TNK2: variants seen among roughly 807,000 people sequenced by gnomAD.
The protein encoded by TNK2 is activated CDC42 kinase 1.
In TNK2, 83 loss-of-function variants were observed where a neutral mutation model predicts 101.8. That is an observed-to-expected ratio of 0.82 (90% CI 0.68 to 0.98). The LOEUF (loss-of-function observed/expected upper bound fraction) is 0.98, where lower values mean the gene tolerates loss of function less well. TNK2 is among the 50% of genes least tolerant of loss of function. TNK2 has a pLI of 0.00. For missense variants in TNK2, 1,665 were observed against 1,483.2 expected, an observed-to-expected ratio of 1.12 and a Z score of -2.01; for synonymous variants, 804 against 633.0, an observed-to-expected ratio of 1.27 and a Z score of -4.06.
At chr3:195,869,976 G>C (rs1743855414) in intron 11 of TNK2, 138 bp downstream of exon 11, 1 of 686,244 alleles carries the variant, frequency 1.5e-6, no homozygotes, top group Non-Finnish European at 2.4e-6. Context: ...CGGAGCCAGG[G>C]ACACAGCTGT....
chr3:195,879,353 C>T, intron 6 of TNK2, 178 bp from the exon 7 acceptor site: 1 of 866,410 alleles, frequency 1.2e-6, no homozygotes, highest in Non-Finnish European at 1.7e-6. Flanking sequence ...GATGCAGGGA[C>T]TTGGGGAAAT....
Position 195,867,923 on chromosome 3 carries a change from C to G in TNK2, c.2375G>C (p.Arg792Pro). ...SQWPGPASPP[R>P]VPPREPLSPQ... is the part of the protein sequence containing the mutation. ...GGACAGGGGCTCCCGCGGAGGCACC[C>G]GGGGAGGGGAAGCAGGTCCAGGCCA... The change falls in exon 13 of 16, where the codon CGG becomes CCG. Residue 792 changes from arginine (R) to proline (P), a missense_variant. Physicochemically the swap from Arg to Pro is moderately radical, Grantham distance 103. Transcript: ENST00000672887. 4 of 1,532,014 alleles carry G rather than the reference C, an allele frequency of 2.6e-6. No individual in the cohort carries two copies. In the South Asian group the frequency reaches 3.7e-5, roughly 14 times the overall value. 94.9% of individuals were successfully genotyped at this position (1,532,014 alleles called of 1,614,324 possible). A position where few individuals can be genotyped will look rare whatever the true frequency, so the allele number is the denominator to read the frequency against.
At chr3:195,906,597 G>A (rs1761742778) in intron 1 of TNK2, among the ~76,000 whole-genome samples, 2 of 152,084 alleles carry the variant, frequency 1.3e-5, no homozygotes, top group Non-Finnish European at 2.9e-5. Flanking sequence ...GCAGAGGAGC[G>A]GGGGATGGAG....
In TNK2 at chr3:195,885,033, C is replaced by T. The variant is rs1290585194; in HGVS notation, c.235G>A (p.Val79Met). 3.8e-6 allele frequency: 6 copies of T among 1,591,816 alleles called. No individual in the cohort carries two copies. In the Admixed American group the frequency reaches 8.7e-5, roughly 23 times the overall value. Residue 79 changes from valine to methionine, a missense_variant and splice_region_variant, in exon 4 of 16, where the codon GTG (valine) becomes ATG (methionine). Physicochemically the swap from Val to Met is conservative, Grantham distance 21. Transcript: ENST00000672887. The surrounding 1 kb of genome is among the most constrained non-coding windows in gnomAD (Gnocchi z 4.7). Reference sequence around the variant, plus strand: ...GCCTCCAGTCGCTTTCCACTGAACACCTGTTTGAAGGCAGCCGGGGGCCAG... The same window carrying T: ...GCCTCCAGTCGCTTTCCACTGAACATCTGTTTGAAGGCAGCCGGGGGCCAG... ...LCKRKSWMSK[V>M]FSGKRLEAEF...
rs778321376 is a variant in TNK2, at chr3:195,868,112, C to T, written c.2186G>A (p.Cys729Tyr). 1.2e-6 allele frequency: 2 copies of T among 1,611,292 alleles called. No homozygotes were observed. The highest frequency in any genetic ancestry group is 2.2e-5 in the East Asian group (1 of 44,838). Reference sequence around the variant, plus strand: ...GGCCGGAGCCTGCAGTTGCCTCATGCACTCCTGCTGTAGCGCCTGGAAGAT... The same window carrying T: ...GGCCGGAGCCTGCAGTTGCCTCATGTACTCCTGCTGTAGCGCCTGGAAGAT... Reference protein sequence around the residue: ...AEIFQALQQECMRQLQAPAGS... With the variant: ...AEIFQALQQEYMRQLQAPAGS... Residue 729 changes from cysteine (C) to tyrosine (Y), a missense_variant, in exon 13 of 16, where the codon TGC becomes TAC. Cys to Tyr is a radical substitution (Grantham distance 194). Coordinates refer to ENST00000672887, the MANE Select transcript of TNK2 (RefSeq NM_001382273.1).
chr3:195,880,278 C>T (rs929864967), intron 6 of TNK2, among the ~76,000 whole-genome samples: 1 of 152,120 alleles, frequency 6.6e-6, no homozygotes, highest in Non-Finnish European at 1.5e-5. Context: ...GCCTGTCTAC[C>T]ACTAGCTCTC....
Position 195,879,093 on chromosome 3 carries a change from A to G in TNK2, c.970T>C (p.Phe324Leu). 1 of 1,613,790 alleles carries G rather than the reference A, an allele frequency of 6.2e-7. No homozygotes were observed. Among genetic ancestry groups the G allele is most frequent in the Non-Finnish European group, 8.5e-7 (1 of 1,179,986 alleles). Residue 324 changes from phenylalanine (F) to leucine (L), a missense_variant, in exon 7 of 16, where the codon TTC becomes CTC. Transcript: ENST00000672887. ...WMFGVTLWEM[F>L]TYGQEPWIGL... Reference sequence around the variant, plus strand: ...ATCCAGGGCTCCTGGCCGTAGGTGAACATTTCCCACAGTGTCACCCCGAAC... The same window carrying G: ...ATCCAGGGCTCCTGGCCGTAGGTGAGCATTTCCCACAGTGTCACCCCGAAC...
intron 9 of TNK2, among the ~76,000 whole-genome samples, chr3:195,877,503 C>T (rs933941849): frequency 2.0e-5 from 3 of 152,198 alleles, no homozygotes; most frequent in East Asian, 3.9e-4. Context: ...TCAGGAGCTG[C>T]GAGCACAGGG....
Position 195,882,523 on chromosome 3 carries a change from G to C in TNK2, c.610-195C>G, listed in dbSNP as rs1325840313. ...CTCCCTCGAGGCAATTTGGGAAACTGATGCCTAGAGAGAAGGAGCCCAAAG... is the reference window on the plus strand; with the variant it reads ...CTCCCTCGAGGCAATTTGGGAAACTCATGCCTAGAGAGAAGGAGCCCAAAG... On this transcript the variant is annotated intron_variant, in intron 5 of 15. Coordinates refer to ENST00000672887, the MANE Select transcript of TNK2 (RefSeq NM_001382273.1). This position sits in a 1 kb window ranked among gnomAD's most constrained non-coding sequence, Gnocchi z 4.2. The C allele has an allele frequency of 2.0e-6, 3 of 1,533,702 alleles. No individual in the cohort carries two copies. The highest frequency in any genetic ancestry group is 1.7e-4 in the Middle Eastern group (1 of 6,006).
intron 10 of TNK2, 108 bp from the exon 11 acceptor site, chr3:195,870,313 C>T: frequency 6.5e-7 from 1 of 1,546,080 alleles, no homozygotes; most frequent in Non-Finnish European, 8.7e-7. Context: ...AGTCTTGGGT[C>T]TGAAGCACAG....
intron 15 of TNK2, among the ~76,000 whole-genome samples, chr3:195,864,415 G>A (rs934513545): frequency 2.0e-5 from 3 of 152,030 alleles, no homozygotes; most frequent in Non-Finnish European, 4.4e-5. Flanking sequence ...ACGACAGGTG[G>A]GATAGAGCCC....
At position 195,878,130 on chromosome 3, in the gene TNK2, GC is replaced by G; in HGVS notation, c.1256+122del. ...CCTCCCCTCACACTGCAGGGTTCAG[GC>G]CCAACCGCCAGCCTGTATGTGGCCA... On this transcript the variant is annotated intron_variant, in intron 9 of 15. Coordinates refer to ENST00000672887, the MANE Select transcript of TNK2 (RefSeq NM_001382273.1). This position sits in a 1 kb window ranked among gnomAD's most constrained non-coding sequence, Gnocchi z 4.7. 9.7e-7 allele frequency: 1 copy of G among 1,025,816 alleles called. No homozygotes were observed. The highest frequency in any genetic ancestry group is 1.6e-5 in the African/African-American group (1 of 63,918). The allele number at this position is 1,025,816 out of a possible 1,614,324, so 63.5% of individuals were successfully genotyped here.
chr3:195,876,505 G>A, intron 9 of TNK2: 1 of 456,872 alleles, frequency 2.2e-6, no homozygotes, highest in Admixed American at 2.3e-5. Flanking sequence ...GAGATATTCA[G>A]GGACTGAAGA....
intron 1 of TNK2, among the ~76,000 whole-genome samples, chr3:195,905,011 A>G (rs1409420978): frequency 6.6e-6 from 1 of 152,214 alleles, no homozygotes; most frequent in African/African-American, 2.4e-5. Context: ...ATGGAAGTGC[A>G]AAGAACCCAG....
chr3:195,870,517 G>A, intron 10 of TNK2: 7 of 740,462 alleles, frequency 9.5e-6, no homozygotes, highest in Non-Finnish European at 1.4e-5. Flanking sequence ...GCAGCGGCCA[G>A]AGGGCAGACA....
intron 6 of TNK2, among the ~76,000 whole-genome samples, chr3:195,879,791 A>G (rs1040557164): frequency 2.6e-5 from 4 of 151,700 alleles, no homozygotes; most frequent in Non-Finnish European, 4.4e-5. Flanking sequence ...CTGCCCCTCA[A>G]AGGGGATGGG....
chr3:195,888,302 T>A lies in TNK2; in HGVS notation c.163+124A>T. 1.0e-6 allele frequency: 1 copy of A among 1,001,976 alleles called. No individual in the cohort carries two copies. Among genetic ancestry groups the A allele is most frequent in the Non-Finnish European group, 1.5e-6 (1 of 671,740 alleles). The allele number at this position is 1,001,976 out of a possible 1,614,324, so 62.1% of individuals were successfully genotyped here. A position where few individuals can be genotyped will look rare whatever the true frequency, so the allele number is the denominator to read the frequency against. On this transcript the variant is annotated intron_variant, in intron 2 of 15. Coordinates refer to ENST00000672887, the MANE Select transcript of TNK2 (RefSeq NM_001382273.1). The surrounding 1 kb of genome is among the most constrained non-coding windows in gnomAD (Gnocchi z 5.3). ...CATCACACATCAGCACCTACTGATG[T>A]CCCTCCTGCTCCCTCAGGGCTCTGG...
intron 1 of TNK2, among the ~76,000 whole-genome samples, chr3:195,902,744 C>CT (rs1166356461): frequency 6.7e-6 from 1 of 148,804 alleles, no homozygotes; most frequent in Non-Finnish European, 1.5e-5. Flanking sequence ...GCTAATACCA[C>CT]TTTTTTTTGT....
At chr3:195,887,782 C>CGT (rs60221201) in intron 2 of TNK2, among the ~76,000 whole-genome samples, 55,421 of 150,778 alleles carry the variant, frequency 0.37, 12,732 homozygotes, top group African/African-American at 0.66. Flanking sequence ...CGTCTGCGCG[C>CGT]GTGTGTGTAC....
Sources: gnomAD v4.1 joint callset for allele counts (sites outside exome capture counted in the v4.1 genomes callset) on GRCh38, gnomAD v4.1.1 for gene constraint, Gnocchi (gnomAD v3.1) non-coding constraint, MANE v1.5 for transcripts, NCBI Gene and HGNC (gene_info 2026-07-23, HGNC 2026-07-21) for gene names.